Variants in TNR observed in about 807,000 individuals in gnomAD.
The protein encoded by TNR is tenascin-R.
In TNR, 45 loss-of-function variants were observed where a neutral mutation model predicts 150.4. The observed-to-expected ratio is 0.30, with a 90% CI of 0.24 to 0.38. The LOEUF (loss-of-function observed/expected upper bound fraction) is 0.38, where lower values mean the gene tolerates loss of function less well. Among genes scored for constraint, TNR ranks in the 10% least tolerant of loss-of-function variants. The probability of loss-of-function intolerance (pLI) is 1.00; values close to 1 mark genes in which losing one functional copy is unlikely to be tolerated. For missense variants in TNR, 1,544 were observed against 1,759.1 expected (o/e 0.88, Z 2.19); for synonymous variants, 687 against 678.4 (o/e 1.01, Z -0.20).
At chr1:175,703,622 A>G (rs1666763153) in intron 1 of TNR, among the ~76,000 whole-genome samples, 1 of 152,252 alleles carries the variant, frequency 6.6e-6, no homozygotes, top group Admixed American at 6.5e-5. Flanking sequence ...AGCATTTCTT[A>G]AACTACTAAT....
rs199944963 is a variant in TNR at position 175,331,162 on chromosome 1, TTTCCTTCCTTCCTTCC to T, written c.3632-943_3632-928del. Among the ~76,000 whole-genome samples the T allele has an allele frequency of 7.7e-3, 544 of 70,870 alleles. 17 individuals carry two copies. Among genetic ancestry groups the T allele is most frequent in the African/African-American group, 0.033 (461 of 14,000 alleles). The allele number at this position is 70,870 out of a possible 152,430, so 46.5% of individuals were successfully genotyped here. A position where few individuals can be genotyped will look rare whatever the true frequency, so the allele number is the denominator to read the frequency against. ...TTCTTTCTTCCTTTCTTTCTTTTTC[TTTCCTTCCTTCCTTCC>T]TTCCTTCCTTCCTTCCTTCCTTCCT... On this transcript the variant is annotated intron_variant, in intron 20 of 22. Coordinates refer to ENST00000367674, the MANE Select transcript of TNR (RefSeq NM_003285.3).
In TNR at chr1:175,492,183, CT is replaced by C. The variant is rs565810948; in HGVS notation, c.-64+36085del. Among the ~76,000 whole-genome samples the C allele has an allele frequency of 1.2e-4, 18 of 152,316 alleles. No homozygotes were observed. The South Asian group carries it at 3.3e-3, about 28-fold the overall frequency. ...AAAAAAGGAGCATTTATTCTTCAGTCTTTCCCCCCTCTGGAGAAAGCCCAAG... is the reference window on the plus strand; with the variant it reads ...AAAAAAGGAGCATTTATTCTTCAGTCTTCCCCCCTCTGGAGAAAGCCCAAG... On this transcript the variant is annotated intron_variant, in intron 2 of 22. Coordinates refer to ENST00000367674, the MANE Select transcript of TNR (RefSeq NM_003285.3).
rs572220106 is a variant in TNR, at chr1:175,355,955, G to A, written c.3119-322C>T. ...TCTGCTTGTTCACTCGTGAACTTACGTTTCCACATATTACCTATGTCTACT... is the reference window on the plus strand; with the variant it reads ...TCTGCTTGTTCACTCGTGAACTTACATTTCCACATATTACCTATGTCTACT... On this transcript the variant is annotated intron_variant, in intron 16 of 22. Coordinates refer to ENST00000367674, the MANE Select transcript of TNR (RefSeq NM_003285.3). Among the ~76,000 whole-genome samples the A allele has an allele frequency of 3.9e-5, 6 of 152,188 alleles. No individual in the cohort carries two copies. The South Asian group carries it at 6.2e-4, about 16-fold the overall frequency.
chr1:175,582,924 C>T (rs752158225), intron 1 of TNR, among the ~76,000 whole-genome samples: 6 of 151,976 alleles, frequency 3.9e-5, no homozygotes, highest in Non-Finnish European at 7.4e-5. Flanking sequence ...CCTCTCTCTG[C>T]CCTTCTGCCA....
intron 1 of TNR, among the ~76,000 whole-genome samples, chr1:175,612,152 T>C (rs532486277): frequency 6.6e-6 from 1 of 152,284 alleles, no homozygotes; most frequent in Non-Finnish European, 1.5e-5. Context: ...GGGGGAGCAC[T>C]GGCCTGGATT....
At chr1:175,708,018 TTGTGTGTGTGTGTGTGTG>T (rs10676470) in intron 1 of TNR, among the ~76,000 whole-genome samples, 25 of 144,750 alleles carry the variant, frequency 1.7e-4, no homozygotes, top group African/African-American at 6.3e-4. Flanking sequence ...ATGTGTGTGT[TTGTGTGTGTGTGTGTGTG>T]TGTGTGTGTG....
chr1:175,557,490 C>T (rs991085993), intron 1 of TNR, among the ~76,000 whole-genome samples: 9 of 152,120 alleles, frequency 5.9e-5, no homozygotes, highest in Non-Finnish European at 1.0e-4. Context: ...TGCAGAATTC[C>T]CTCTCCCCAG....
chr1:175,460,703 T>A (rs927222034), intron 2 of TNR, among the ~76,000 whole-genome samples: 7 of 152,230 alleles, frequency 4.6e-5, no homozygotes, highest in Non-Finnish European at 8.8e-5. Flanking sequence ...TAGTAACTTG[T>A]CCAAGGTGGC....
In TNR at chr1:175,345,785, T is replaced by C. The variant is rs1043202394; in HGVS notation, c.3383-8106A>G. The stretch of plus-strand genomic sequence containing the variant: ...GTGCTTAAATAAAAATAAAGATAAA[T>C]GTCTCAGAATTAAAGATAAAACAGA... On this transcript the variant is annotated intron_variant, in intron 18 of 22. Transcript: ENST00000367674. 6.6e-5 allele frequency among the ~76,000 whole-genome samples: 10 copies of C among 152,018 alleles called. No individual in the cohort carries two copies. In the East Asian group the frequency reaches 7.7e-4, roughly 12 times the overall value.
At chr1:175,426,448 T>A (rs1365215070) in intron 2 of TNR, among the ~76,000 whole-genome samples, 3 of 152,176 alleles carry the variant, frequency 2.0e-5, no homozygotes, top group East Asian at 3.9e-4. Flanking sequence ...GAGGAGGTGG[T>A]GCAACTGCCC....
chr1:175,567,186 C>T (rs1298044997), intron 1 of TNR, among the ~76,000 whole-genome samples: 1 of 152,070 alleles, frequency 6.6e-6, no homozygotes, highest in Non-Finnish European at 1.5e-5. Flanking sequence ...TGTATAATTA[C>T]GTTTAATTTT....
chr1:175,444,795 GGT>G (rs1250600346), intron 2 of TNR, among the ~76,000 whole-genome samples: 1 of 152,164 alleles, frequency 6.6e-6, no homozygotes, highest in Non-Finnish European at 1.5e-5. Flanking sequence ...TTGCTGGGGA[GGT>G]GATGTTTCAT....
chr1:175,734,549 T>C (rs1257027815), intron 1 of TNR, among the ~76,000 whole-genome samples: 1 of 152,162 alleles, frequency 6.6e-6, no homozygotes, highest in African/African-American at 2.4e-5. Flanking sequence ...AGGGTGGAGC[T>C]GGTCAGGTGG....
At chr1:175,340,160 C>A (rs759562675) in intron 18 of TNR, among the ~76,000 whole-genome samples, 3 of 152,026 alleles carry the variant, frequency 2.0e-5, no homozygotes, top group Non-Finnish European at 4.4e-5. Context: ...CAGATTACAC[C>A]CTGGGAGAGG....
intron 2 of TNR, among the ~76,000 whole-genome samples, chr1:175,520,684 CTCTCTCTT>C (rs1233141869): frequency 2.0e-5 from 3 of 152,042 alleles, no homozygotes; most frequent in Admixed American, 6.5e-5. Flanking sequence ...TTCTCTCTCT[CTCTCTCTT>C]TCTCTCTCTC....
chr1:175,516,392 A>T (rs35604600), intron 2 of TNR, among the ~76,000 whole-genome samples: 16,628 of 152,248 alleles, frequency 0.11, 1,176 homozygotes, highest in Non-Finnish European at 0.17. Flanking sequence ...GTGGCCCAGG[A>T]GGAAAGTGGC....
intron 1 of TNR, among the ~76,000 whole-genome samples, chr1:175,601,984 C>G (rs1476308877): frequency 6.6e-6 from 1 of 151,990 alleles, no homozygotes; most frequent in Non-Finnish European, 1.5e-5. Context: ...GTTGGCCTGC[C>G]CCAGCACCCC....
At chr1:175,598,187 T>C (rs1421032858) in intron 1 of TNR, among the ~76,000 whole-genome samples, 1 of 152,204 alleles carries the variant, frequency 6.6e-6, no homozygotes, top group Non-Finnish European at 1.5e-5. Flanking sequence ...AATCAGTGTA[T>C]GAACTTCCCT....
Position 175,406,567 on chromosome 1 carries a change from C to T in TNR, c.148G>A (p.Gly50Ser). 1 of 1,614,182 alleles carries T rather than the reference C, an allele frequency of 6.2e-7. No individual in the cohort carries two copies. The highest frequency in any genetic ancestry group is 8.5e-7 in the Non-Finnish European group (1 of 1,180,026). ...CTGGATGTGTTGTAGTTGGCAATGC[C>T]TCCCTCCTCCTCCACTGACTGTCTC... ...VQRQSVEEEG[G>S]IANYNTSSKE... The change falls in exon 3 of 23, where the codon GGC becomes AGC. Residue 50 changes from glycine to serine, a missense_variant. Physicochemically the swap from Gly to Ser is moderately conservative, Grantham distance 56. Around this residue, in one of 2 missense-constraint regions of TNR, gnomAD observed 1,254 missense variants for 1,329.4 expected, o/e 0.94. Transcript: ENST00000367674.
Sources: gnomAD v4.1 joint callset for allele counts (sites outside exome capture counted in the v4.1 genomes callset) on GRCh38, gnomAD v4.1.1 for gene constraint, gnomAD v4.1.1 regional missense constraint, MANE v1.5 for transcripts, NCBI Gene and HGNC (gene_info 2026-07-23, HGNC 2026-07-21) for gene names.